Variants in MVB12B observed in about 807,000 individuals in gnomAD.
MVB12B encodes ESCRT-I complex subunit MVB12B.
MVB12B carries 16 observed loss-of-function variants against 41.6 expected under a neutral mutation model. The ratio of observed to expected loss-of-function variants is 0.38; its 90% CI spans 0.26 to 0.58. MVB12B has a LOEUF of 0.58. Among genes scored for constraint, MVB12B ranks in the 20% least tolerant of loss-of-function variants. The probability of loss-of-function intolerance (pLI) is 0.62; values close to 1 mark genes in which losing one functional copy is unlikely to be tolerated. For synonymous variants in MVB12B, 133 were observed against 139.7 expected, an observed-to-expected ratio of 0.95 and a Z score of 0.34; for missense variants, 274 against 380.2, an observed-to-expected ratio of 0.72 and a Z score of 2.32.
intron 6 of MVB12B, among the ~76,000 whole-genome samples, chr9:126,418,434 A>G (rs991275711): frequency 6.6e-6 from 1 of 152,192 alleles, no homozygotes; most frequent in African/African-American, 2.4e-5. Context: ...GGTCTGTGGC[A>G]AGTCATGTCG....
chr9:126,375,627 T>A (rs1830461779), intron 2 of MVB12B, among the ~76,000 whole-genome samples: 1 of 152,136 alleles, frequency 6.6e-6, no homozygotes, highest in Non-Finnish European at 1.5e-5. Context: ...GGTTTCCCCT[T>A]TATTGATTTA....
Position 126,468,266 on chromosome 9 carries a change from C to T in MVB12B, c.758-13103C>T, listed in dbSNP as rs543703199. ...CCAAACTCACCCTCACATCCCCGCC[C>T]GCCAGGCCTCATTTCTGGATCTCCA... On this transcript the variant is annotated intron_variant, in intron 7 of 9. Coordinates refer to ENST00000361171, the MANE Select transcript of MVB12B (RefSeq NM_033446.3). This position sits in a 1 kb window ranked among gnomAD's most constrained non-coding sequence, Gnocchi z 4.3. Among the ~76,000 whole-genome samples the T allele has an allele frequency of 1.6e-4, 24 of 152,128 alleles. No individual in the cohort carries two copies. The highest frequency in any genetic ancestry group is 4.6e-4 in the Admixed American group (7 of 15,282).
intron 6 of MVB12B, among the ~76,000 whole-genome samples, chr9:126,400,839 G>A (rs955381077): frequency 5.9e-5 from 9 of 152,230 alleles, no homozygotes; most frequent in South Asian, 2.1e-4. Flanking sequence ...TGCGGACACC[G>A]TGTCTCCGTC....
At chr9:126,495,497 C>G (rs548150324) in intron 9 of MVB12B, among the ~76,000 whole-genome samples, 1 of 152,190 alleles carries the variant, frequency 6.6e-6, no homozygotes, top group African/African-American at 2.4e-5. Flanking sequence ...GTCACAAGTA[C>G]GAGAAACGTT....
intron 6 of MVB12B, chr9:126,397,061 G>T (rs1483928301): frequency 2.0e-6 from 2 of 985,382 alleles, no homozygotes; most frequent in Non-Finnish European, 2.4e-6. Context: ...GTGTGTCGGG[G>T]TCCTCCATCA....
chr9:126,385,337 AAATT>A (rs1387887556), intron 3 of MVB12B, among the ~76,000 whole-genome samples: 1 of 152,170 alleles, frequency 6.6e-6, no homozygotes, highest in African/African-American at 2.4e-5. Flanking sequence ...ATAACCCCAT[AAATT>A]GATAGGAAGG....
rs188532466 is a variant in MVB12B, at chr9:126,334,194, G to A, written c.82-6314G>A. Among the ~76,000 whole-genome samples, 12 of 152,272 alleles carry A rather than the reference G, an allele frequency of 7.9e-5. No individual in the cohort carries two copies. The East Asian group carries it at 1.4e-3, about 17-fold the overall frequency. On this transcript the variant is annotated intron_variant, in intron 1 of 9. Transcript: ENST00000361171. The stretch of plus-strand genomic sequence containing the variant: ...AGTCATCTGTGGACTCACTGTTCAC[G>A]CGCCAGGCCCTCTTAGAGACCGGGA...
intron 2 of MVB12B, among the ~76,000 whole-genome samples, chr9:126,361,588 C>G (rs1830031151): frequency 6.6e-6 from 1 of 151,904 alleles, no homozygotes; most frequent in African/African-American, 2.4e-5. Flanking sequence ...GCCTGAGGAA[C>G]TTTTTTGAAC....
At chr9:126,414,445 A>T (rs770337887) in intron 6 of MVB12B, among the ~76,000 whole-genome samples, 1 of 151,994 alleles carries the variant, frequency 6.6e-6, no homozygotes, top group Non-Finnish European at 1.5e-5. Context: ...GCTTGGTAAC[A>T]CTCCCCGAGG....
chr9:126,495,522 G>T (rs1833811729), intron 9 of MVB12B, among the ~76,000 whole-genome samples: 1 of 152,108 alleles, frequency 6.6e-6, no homozygotes, highest in South Asian at 2.1e-4. Context: ...TTTCTTGCTT[G>T]CTCTGCCCCC....
chr9:126,460,793 A>C (rs888062983), intron 7 of MVB12B, among the ~76,000 whole-genome samples: 3 of 152,150 alleles, frequency 2.0e-5, no homozygotes, highest in Non-Finnish European at 4.4e-5. Flanking sequence ...CTCTGCTGGC[A>C]GGTGCTCCTG....
chr9:126,400,064 C>T (rs1182081708), intron 6 of MVB12B, among the ~76,000 whole-genome samples: 2 of 152,154 alleles, frequency 1.3e-5, no homozygotes, highest in Admixed American at 1.3e-4. Context: ...CAGCGGGAGG[C>T]CCTGAGTGGA....
chr9:126,500,495 C>T (rs918164652), intron 9 of MVB12B, among the ~76,000 whole-genome samples: 30 of 152,102 alleles, frequency 2.0e-4, no homozygotes, highest in Non-Finnish European at 3.8e-4. Flanking sequence ...GTGATTGGGT[C>T]GTAGAATTCT....
chr9:126,491,759 A>G (rs1026227095), intron 9 of MVB12B, among the ~76,000 whole-genome samples: 1 of 152,194 alleles, frequency 6.6e-6, no homozygotes, highest in Non-Finnish European at 1.5e-5. Flanking sequence ...TCCAGCCCAA[A>G]ACAAAGAAAC....
chr9:126,341,770 A>G (rs1829451381), intron 2 of MVB12B, among the ~76,000 whole-genome samples: 1 of 152,210 alleles, frequency 6.6e-6, no homozygotes, highest in Non-Finnish European at 1.5e-5. Context: ...CCCAGTGGTG[A>G]CAACCCAAAA....
At chr9:126,390,450 G>A (rs1830917320) in intron 4 of MVB12B, among the ~76,000 whole-genome samples, 1 of 152,218 alleles carries the variant, frequency 6.6e-6, no homozygotes, top group South Asian at 2.1e-4. Context: ...GGCCGCAGTT[G>A]GTTGAAACTC....
intron 2 of MVB12B, among the ~76,000 whole-genome samples, chr9:126,371,330 A>T (rs541295302): frequency 3.3e-5 from 5 of 152,250 alleles, no homozygotes; most frequent in African/African-American, 1.2e-4. Context: ...AACAGGGAGG[A>T]CGTACCTGCT....
intron 7 of MVB12B, among the ~76,000 whole-genome samples, chr9:126,452,661 G>T (rs1490382521): frequency 6.6e-6 from 1 of 152,096 alleles, no homozygotes; most frequent in African/African-American, 2.4e-5. Flanking sequence ...AGAAAGAGTT[G>T]TCAGAGCCCA....
intron 2 of MVB12B, among the ~76,000 whole-genome samples, chr9:126,351,483 C>CTTTT (rs34141510): frequency 0.036 from 3,088 of 86,120 alleles, 19 homozygotes; most frequent in Non-Finnish European, 0.044. Context: ...GTCTTTCACT[C>CTTTT]TTTTTTTTTT....
Sources: allele counts gnomAD v4.1 joint callset (sites outside exome capture counted in the v4.1 genomes callset), GRCh38; gene constraint gnomAD v4.1.1; non-coding constraint Gnocchi (gnomAD v3.1); transcripts MANE v1.5; gene names NCBI Gene and HGNC (gene_info 2026-07-23, HGNC 2026-07-21).